The following TRNT1 variants were observed in gnomAD, a reference collection of about 807,000 sequenced individuals.
TRNT1 encodes the protein CCA tRNA nucleotidyltransferase 1, mitochondrial.
Under a neutral mutation model 45.6 loss-of-function variants are expected in TRNT1, and 44 were observed. The observed-to-expected ratio is 0.97, with a 90% CI of 0.76 to 1.24. TRNT1 has a LOEUF of 1.24. Among genes scored for constraint, TRNT1 ranks in the 50% most tolerant of loss-of-function variants. TRNT1 has a pLI of 0.00. For synonymous variants in TRNT1, 201 were observed against 171.4 expected (o/e 1.17, Z -1.35); for missense variants, 633 against 504.4 (o/e 1.25, Z -2.44).
chr3:3,152,433 AG>A (rs1431199400), downstream of TRNT1: 2 of 1,601,462 alleles, frequency 1.2e-6, no homozygotes, highest in African/African-American at 2.7e-5. Context: ...GAAAAAAAAA[AG>A]CAACCACCAC....
At chr3:3,153,434 C>A, downstream of TRNT1, 1 of 1,536,282 alleles carries the variant, frequency 6.5e-7, no homozygotes, top group South Asian at 1.1e-5. Flanking sequence ...CTGAATATTT[C>A]ATTTTTGGTT....
intron 4 of TRNT1, 85 bp from the exon 5 acceptor site, chr3:3,144,499 T>G: frequency 7.6e-7 from 1 of 1,314,112 alleles, no homozygotes. Context: ...TTTTACTGTT[T>G]GTGATAGTGT....
rs1428349978 is a variant in TRNT1 at position 3,146,513 on chromosome 3, C to T, written c.692C>T (p.Ala231Val). The T allele has an allele frequency of 6.2e-7, 1 of 1,613,830 alleles. No homozygotes were observed. The highest frequency in any genetic ancestry group is 1.3e-5 in the African/African-American group (1 of 74,882). Reference sequence around the variant, plus strand: ...ATTGCAGAAAATGCAAAAGGCTTGGCTGGAATATCAGGAGAAAGGATTTGG... The same window carrying T: ...ATTGCAGAAAATGCAAAAGGCTTGGTTGGAATATCAGGAGAAAGGATTTGG... ...EAIAENAKGL[A>V]GISGERIWVE... The change falls in exon 6 of 8, where the codon GCT (alanine) becomes GTT (valine). Residue 231 changes from alanine to valine, a missense_variant. By Grantham distance (64) the Ala-to-Val change is moderately conservative. Transcript: ENST00000251607.
At chr3:3,138,065 TG>T (rs1236998766) in intron 3 of TRNT1, among the ~76,000 whole-genome samples, 1 of 152,240 alleles carries the variant, frequency 6.6e-6, no homozygotes, top group Non-Finnish European at 1.5e-5. Flanking sequence ...ATTGGGTTTT[TG>T]GGAAACATCT....
At chr3:3,147,795 TTTAC>T (rs1706150942) in intron 7 of TRNT1, 92 bp downstream of exon 7, 15 of 1,517,134 alleles carry the variant, frequency 9.9e-6, no homozygotes, top group Admixed American at 2.2e-5. Flanking sequence ...ATCTGTGAAT[TTTAC>T]TTATTTTAAA....
intron 3 of TRNT1, among the ~76,000 whole-genome samples, chr3:3,140,294 A>AC (rs1705565187): frequency 3.5e-5 from 2 of 56,682 alleles, no homozygotes; most frequent in Non-Finnish European, 1.1e-4. Flanking sequence ...ATCATGATGG[A>AC]TTTTTTTTAA....
At position 3,140,612 on chromosome 3, in the gene TRNT1, G is replaced by A. The variant is rs780260411; in HGVS notation, c.445G>A (p.Glu149Lys). The stretch of plus-strand genomic sequence containing the variant: ...TACAACTGACTGGCAGAAAGATGCG[G>A]AACGCAGAGATCTCACTATAAATTC... ...EFTTDWQKDAERRDLTINSMF... is the reference protein window; with the variant it reads ...EFTTDWQKDAKRRDLTINSMF... The change falls in exon 4 of 8, where the codon GAA (glutamate) becomes AAA (lysine). Residue 149 changes from glutamate (E) to lysine (K), a missense_variant. Coordinates refer to ENST00000251607, the MANE Select transcript of TRNT1 (RefSeq NM_182916.3). The A allele has an allele frequency of 6.2e-7, 1 of 1,614,128 alleles. No individual in the cohort carries two copies. Among genetic ancestry groups the A allele is most frequent in the Non-Finnish European group, 8.5e-7 (1 of 1,179,998 alleles).
chr3:3,129,270 G>A (rs1704840733), intron 2 of TRNT1, 82 bp downstream of exon 2: 3 of 1,240,432 alleles, frequency 2.4e-6, no homozygotes, highest in Admixed American at 2.1e-5. Context: ...GCCAGCATTC[G>A]GATATTTTCA....
chr3:3,141,176 G>A (rs560827657), intron 4 of TRNT1, among the ~76,000 whole-genome samples: 5 of 152,300 alleles, frequency 3.3e-5, no homozygotes, highest in African/African-American at 1.2e-4. Flanking sequence ...GGCTTCCTTT[G>A]TACCGCTGTT....
rs1456607821 is a variant in TRNT1 at position 3,148,957 on chromosome 3, AT to A, written c.*805del. On this transcript the variant is annotated 3_prime_UTR_variant, in exon 8 of 8. Transcript: ENST00000251607. Reference sequence around the variant, plus strand: ...TATTAATTAAAAGGATATGGCTATTATTATATATTCTCTAAAGATTTGAGTC... The same window carrying A: ...TATTAATTAAAAGGATATGGCTATTATATATATTCTCTAAAGATTTGAGTC... 9 of 126,102 alleles carry A rather than the reference AT, an allele frequency of 7.1e-5. No homozygotes were observed. The highest frequency in any genetic ancestry group is 6.4e-4 in the South Asian group (2 of 3,146). The allele number at this position is 126,102 out of a possible 1,614,324, so 7.8% of individuals were successfully genotyped here.
chr3:3,135,609 A>G (rs1705282299), intron 2 of TRNT1, among the ~76,000 whole-genome samples: 1 of 152,172 alleles, frequency 6.6e-6, no homozygotes, highest in African/African-American at 2.4e-5. Flanking sequence ...TAAGTACATC[A>G]TTTTAAGGAG....
Position 3,137,321 on chromosome 3 carries a change from A to G in TRNT1, c.210A>G (p.Leu70=). 6.2e-7 allele frequency: 1 copy of G among 1,613,036 alleles called. No individual in the cohort carries two copies. Among genetic ancestry groups the G allele is most frequent in the South Asian group, 1.1e-5 (1 of 90,780 alleles). Residue 70 remains leucine (L), a synonymous_variant, in exon 3 of 8, where the codon TTA becomes TTG. Transcript: ENST00000251607. ...RIAGGAVRDL[L]NGVKPQDIDF... is the part of the protein sequence containing the mutation. The stretch of plus-strand genomic sequence containing the variant: ...CAGGAGGAGCAGTGAGGGATTTATT[A>G]AATGGAGTAAAGCCTCAGGATATAG...
intron 2 of TRNT1, 63 bp from the exon 3 acceptor site, chr3:3,137,197 G>A (rs1344748083): frequency 1.5e-6 from 2 of 1,354,968 alleles, no homozygotes; most frequent in Non-Finnish European, 2.0e-6. Flanking sequence ...TACTTTTGTG[G>A]TTAAAATAAA....
intron 2 of TRNT1, chr3:3,130,440 G>T (rs1433538260): frequency 1.3e-5 from 2 of 159,614 alleles, no homozygotes; most frequent in African/African-American, 2.4e-5. Flanking sequence ...TTTTAGGTAC[G>T]TGCCAGAGAT....
At chr3:3,128,206 A>C (rs1704725531) in intron 1 of TRNT1, among the ~76,000 whole-genome samples, 2 of 152,112 alleles carry the variant, frequency 1.3e-5, no homozygotes, top group Admixed American at 1.3e-4. Flanking sequence ...AGGTTTGGGG[A>C]GTTCCCTCAG....
chr3:3,141,462 G>A (rs2126024971), intron 4 of TRNT1, among the ~76,000 whole-genome samples: 1 of 152,232 alleles, frequency 6.6e-6, no homozygotes, highest in Middle Eastern at 3.4e-3. Context: ...TTTTACTGCT[G>A]AGCCTACACA....
At chr3:3,152,062 CCTTTT>C (rs1219307443), downstream of TRNT1, among the ~76,000 whole-genome samples, 1 of 152,004 alleles carries the variant, frequency 6.6e-6, no homozygotes, top group Non-Finnish European at 1.5e-5. Flanking sequence ...CAGTTGTCAA[CCTTTT>C]CTTCCTTTCA....
intron 4 of TRNT1, among the ~76,000 whole-genome samples, chr3:3,142,189 C>T (rs527879747): frequency 2.6e-5 from 4 of 152,250 alleles, no homozygotes; most frequent in African/African-American, 4.8e-5. Flanking sequence ...GTCTAACTGG[C>T]TTCTCATAAG....
intron 4 of TRNT1, among the ~76,000 whole-genome samples, chr3:3,144,134 G>C (rs1224587039): frequency 6.6e-6 from 1 of 152,056 alleles, no homozygotes; most frequent in East Asian, 1.9e-4. Flanking sequence ...TGTTGTTTTT[G>C]TGTTGCGTTT....
Sources: gnomAD v4.1 joint callset for allele counts (sites outside exome capture counted in the v4.1 genomes callset) on GRCh38, gnomAD v4.1.1 for gene constraint, MANE v1.5 for transcripts, NCBI Gene and HGNC (gene_info 2026-07-23, HGNC 2026-07-21) for gene names.